Variants in EPB41L4B observed in about 807,000 individuals in gnomAD.
EPB41L4B encodes band 4.1-like protein 4B.
A neutral mutation model predicts 112.5 loss-of-function variants in EPB41L4B; 30 were observed. The observed-to-expected ratio is 0.27, with a 90% confidence interval of 0.20 to 0.36. EPB41L4B has a LOEUF of 0.36. EPB41L4B is among the 10% of genes least tolerant of loss of function. The probability of loss-of-function intolerance (pLI) is 1.00; values close to 1 mark genes in which losing one functional copy is unlikely to be tolerated. For synonymous variants in EPB41L4B, 408 were observed against 439.7 expected (o/e 0.93, Z 0.90); for missense variants, 1,024 against 1,133.3 (o/e 0.90, Z 1.38).
At chr9:109,187,596 T>C (rs1832314970) in intron 22 of EPB41L4B, among the ~76,000 whole-genome samples, 1 of 152,156 alleles carries the variant, frequency 6.6e-6, no homozygotes, top group African/African-American at 2.4e-5. Context: ...TCAGGAACAG[T>C]TCCCACTACT....
intron 13 of EPB41L4B, among the ~76,000 whole-genome samples, chr9:109,248,465 G>C (rs145127436): frequency 3.9e-3 from 593 of 152,286 alleles, no homozygotes; most frequent in Non-Finnish European, 4.5e-3. Context: ...ACCTGCTCAG[G>C]GTCGCCTGGC....
rs775010470 is a variant in EPB41L4B, at chr9:109,185,801, C to G, written c.2302-196G>C. 3.4e-4 allele frequency among the ~76,000 whole-genome samples: 40 copies of G among 116,114 alleles called. No homozygotes were observed. The South Asian group carries it at 0.013, about 37-fold the overall frequency. 76.2% of individuals were successfully genotyped at this position (116,114 alleles called of 152,430 possible). On this transcript the variant is annotated intron_variant, in intron 22 of 25. Coordinates refer to ENST00000374566, the MANE Select transcript of EPB41L4B (RefSeq NM_019114.5). ...CCAACTGGCTTCTGGTCCCACCCCC[C>G]ACCCTCTCTCTCAGCCTTCTTTTCT...
chr9:109,319,957 C>A (rs1005865869), intron 1 of EPB41L4B, among the ~76,000 whole-genome samples, 184 bp downstream of exon 1: 2 of 152,076 alleles, frequency 1.3e-5, no homozygotes, highest in Non-Finnish European at 2.9e-5. Context: ...AGGTGGGGCC[C>A]CGGAAGAGAC....
At chr9:109,317,448 G>T (rs1837675068) in intron 1 of EPB41L4B, among the ~76,000 whole-genome samples, 1 of 152,184 alleles carries the variant, frequency 6.6e-6, no homozygotes, top group African/African-American at 2.4e-5. Flanking sequence ...TCACCTTTGT[G>T]TCTGCAGCAC....
chr9:109,272,588 G>C (rs536634027), intron 2 of EPB41L4B, among the ~76,000 whole-genome samples: 1 of 152,194 alleles, frequency 6.6e-6, no homozygotes, highest in Admixed American at 6.5e-5. Flanking sequence ...TCCCATCTCT[G>C]TTAAAAATAC....
intron 6 of EPB41L4B, among the ~76,000 whole-genome samples, chr9:109,262,284 C>T (rs1360763843): frequency 1.3e-5 from 2 of 152,134 alleles, no homozygotes; most frequent in Non-Finnish European, 2.9e-5. Flanking sequence ...ACCTCTTAGT[C>T]AAGGGACCCA....
intron 20 of EPB41L4B, among the ~76,000 whole-genome samples, chr9:109,197,109 A>T (rs1476134814): frequency 6.6e-6 from 1 of 152,170 alleles, no homozygotes; most frequent in Admixed American, 6.6e-5. Flanking sequence ...TGCCAACTTT[A>T]TCAATATCAA....
intron 2 of EPB41L4B, among the ~76,000 whole-genome samples, chr9:109,272,202 A>G (rs769278332): frequency 5.3e-5 from 8 of 152,142 alleles, no homozygotes; most frequent in South Asian, 2.1e-4. Context: ...CACACCTGTA[A>G]TCTCAACAAT....
At chr9:109,244,434 CTTTTTTTTTTTTTTTTTT>C (rs573807379) in intron 14 of EPB41L4B, among the ~76,000 whole-genome samples, 86 of 48,516 alleles carry the variant, frequency 1.8e-3, no homozygotes, top group African/African-American at 8.2e-3. Context: ...TGAAGGTTGT[CTTTTTTTTTTTTTTTTTT>C]TTTTTTTTTT....
Position 109,172,983 on chromosome 9 carries a change from G to C in EPB41L4B, c.*1571C>G, listed in dbSNP as rs1831684766. The C allele has an allele frequency of 6.6e-6, 1 of 152,522 alleles. No individual in the cohort carries two copies. The highest frequency in any genetic ancestry group is 2.4e-5 in the African/African-American group (1 of 41,426). The allele number at this position is 152,522 out of a possible 1,614,324, so 9.4% of individuals were successfully genotyped here. On this transcript the variant is annotated 3_prime_UTR_variant, in exon 26 of 26. Transcript: ENST00000374566. Reference sequence around the variant, plus strand: ...ATATGAGATCAGTTCCTCTTAACAAGTGGTCATAAGAAATGAATGAACATT... The same window carrying C: ...ATATGAGATCAGTTCCTCTTAACAACTGGTCATAAGAAATGAATGAACATT...
intron 23 of EPB41L4B, among the ~76,000 whole-genome samples, chr9:109,183,441 G>A (rs1206671297): frequency 6.6e-6 from 1 of 152,158 alleles, no homozygotes; most frequent in East Asian, 1.9e-4. Context: ...CCCAGTGCTG[G>A]GAGTACCTGT....
At chr9:109,215,841 T>C (rs1230904511) in intron 16 of EPB41L4B, among the ~76,000 whole-genome samples, 1 of 152,246 alleles carries the variant, frequency 6.6e-6, no homozygotes, top group Non-Finnish European at 1.5e-5. Flanking sequence ...ACAATATTTC[T>C]GGGCTGGGTA....
At chr9:109,201,629 G>A (rs985974267) in intron 19 of EPB41L4B, among the ~76,000 whole-genome samples, 1 of 152,108 alleles carries the variant, frequency 6.6e-6, no homozygotes, top group Non-Finnish European at 1.5e-5. Context: ...TTGCTTGGGT[G>A]GAACGGTCAG....
chr9:109,316,311 A>C (rs1321407618), intron 1 of EPB41L4B, among the ~76,000 whole-genome samples: 1 of 152,234 alleles, frequency 6.6e-6, no homozygotes, highest in Admixed American at 6.5e-5. Flanking sequence ...GGGAGTGCTA[A>C]CTGGCCGACC....
chr9:109,249,306 G>T (rs1834690290), intron 13 of EPB41L4B, among the ~76,000 whole-genome samples: 1 of 151,850 alleles, frequency 6.6e-6, no homozygotes, highest in Non-Finnish European at 1.5e-5. Flanking sequence ...CATCAGGTAA[G>T]TTAAGCGTTC....
At chr9:109,244,175 G>A (rs1168873205) in intron 14 of EPB41L4B, among the ~76,000 whole-genome samples, 1 of 152,122 alleles carries the variant, frequency 6.6e-6, no homozygotes, top group East Asian at 1.9e-4. Flanking sequence ...GCAGGGCCGT[G>A]GGTGAAGGTT....
intron 5 of EPB41L4B, among the ~76,000 whole-genome samples, chr9:109,263,675 T>G (rs1215322604): frequency 6.6e-6 from 1 of 152,256 alleles, no homozygotes; most frequent in African/African-American, 2.4e-5. Context: ...AATAATGACA[T>G]ACATTGGTAT....
In EPB41L4B at chr9:109,172,637, A is replaced by T. The variant is rs1831670797; in HGVS notation, c.*1917T>A. ...ATAAAAGGGGCTGATGTTTATAATC[A>T]TGACCATGACTCATCAAGAAAAGGT... On this transcript the variant is annotated 3_prime_UTR_variant, in exon 26 of 26. Coordinates refer to ENST00000374566, the MANE Select transcript of EPB41L4B (RefSeq NM_019114.5). The T allele has an allele frequency of 6.6e-6, 1 of 152,222 alleles. No homozygotes were observed. The highest frequency in any genetic ancestry group is 2.4e-5 in the African/African-American group (1 of 41,452). The allele number at this position is 152,222 out of a possible 1,614,324, so 9.4% of individuals were successfully genotyped here.
At chr9:109,295,513 T>C (rs1234303877) in intron 1 of EPB41L4B, among the ~76,000 whole-genome samples, 3 of 152,156 alleles carry the variant, frequency 2.0e-5, no homozygotes, top group Middle Eastern at 3.2e-3. Flanking sequence ...AGGAATGTTC[T>C]AGAAATCTGC....
Sources: allele counts gnomAD v4.1 joint callset (sites outside exome capture counted in the v4.1 genomes callset), GRCh38; gene constraint gnomAD v4.1.1; transcripts MANE v1.5; gene names NCBI Gene and HGNC (gene_info 2026-07-23, HGNC 2026-07-21).